Variants in RGS6 observed in about 807,000 individuals in gnomAD.
RGS6 encodes the protein regulator of G-protein signaling 6.
RGS6 carries 30 observed loss-of-function variants against 78.5 expected under a neutral mutation model. The ratio of observed to expected loss-of-function variants is 0.38; its 90% confidence interval spans 0.29 to 0.52. The LOEUF (loss-of-function observed/expected upper bound fraction) is 0.52, where lower values mean the gene tolerates loss of function less well. Among genes scored for constraint, RGS6 ranks in the 20% least tolerant of loss-of-function variants. The pLI is 0.85. For synonymous variants in RGS6, 206 were observed against 206.0 expected, an observed-to-expected ratio of 1.00 and a Z score of 0.00; for missense variants, 495 against 609.7, an observed-to-expected ratio of 0.81 and a Z score of 1.98.
intron 2 of RGS6, among the ~76,000 whole-genome samples, chr14:71,980,489 T>G (rs1012929796): frequency 8.2e-6 from 1 of 122,364 alleles, no homozygotes; most frequent in African/African-American, 3.0e-5. Flanking sequence ...TTTGCTTGTC[T>G]GTAAAGTATT....
At chr14:72,386,094 AG>A (rs2087888174) in intron 3 of RGS6, among the ~76,000 whole-genome samples, 1 of 152,130 alleles carries the variant, frequency 6.6e-6, no homozygotes, top group Non-Finnish European at 1.5e-5. Flanking sequence ...TGTGGATTGA[AG>A]GAAGAAACCC....
chr14:72,043,594 G>GTCTGCTGCAACTTTCATT (rs1420452319), intron 2 of RGS6, among the ~76,000 whole-genome samples: 1 of 152,108 alleles, frequency 6.6e-6, no homozygotes, highest in Admixed American at 6.6e-5. Context: ...CTAACAAAAT[G>GTCTGCTGCAACTTTCATT]TCTGCTGCAA....
At chr14:72,526,277 G>GT (rs3216325) in intron 15 of RGS6, among the ~76,000 whole-genome samples, 79,527 of 150,410 alleles carry the variant, frequency 0.53, 21,593 homozygotes, top group East Asian at 0.75. Context: ...CTAATTTTTT[G>GT]TTTTTTTTTA....
intron 2 of RGS6, among the ~76,000 whole-genome samples, chr14:72,167,391 C>CT (rs531844446): frequency 1.8e-4 from 28 of 152,236 alleles, no homozygotes; most frequent in Non-Finnish European, 3.7e-4. Flanking sequence ...ATCTCATTAT[C>CT]TTTGTCATAT....
intron 2 of RGS6, among the ~76,000 whole-genome samples, chr14:72,137,213 C>T (rs1481555136): frequency 6.6e-6 from 1 of 152,214 alleles, no homozygotes; most frequent in Non-Finnish European, 1.5e-5. Context: ...TCCACATTGA[C>T]ATTTGTGCTG....
intron 10 of RGS6, among the ~76,000 whole-genome samples, chr14:72,475,202 T>TG (rs1401217597): frequency 2.9e-5 from 4 of 136,774 alleles, no homozygotes; most frequent in Non-Finnish European, 4.7e-5. Flanking sequence ...TTTTATGGTT[T>TG]TTTTTTTTTT....
intron 1 of RGS6, among the ~76,000 whole-genome samples, chr14:71,949,686 C>G (rs1420130171): frequency 6.6e-6 from 1 of 151,532 alleles, no homozygotes; most frequent in Non-Finnish European, 1.5e-5. Flanking sequence ...TTATCAGTCT[C>G]TTTCTTTATG....
chr14:72,186,539 TTGAG>T (rs1335222938), intron 2 of RGS6, among the ~76,000 whole-genome samples: 2 of 152,134 alleles, frequency 1.3e-5, no homozygotes, highest in Non-Finnish European at 2.9e-5. Flanking sequence ...TTGGCCAACT[TTGAG>T]TGTGCTGAGG....
intron 3 of RGS6, among the ~76,000 whole-genome samples, chr14:72,418,879 A>G (rs1305752638): frequency 1.3e-5 from 2 of 152,256 alleles, no homozygotes; most frequent in African/African-American, 4.8e-5. Context: ...GAGAGGGTCC[A>G]GGAGGACACA....
chr14:72,582,576 T>A, the RGS6 span, among the ~76,000 whole-genome samples: 4 of 152,140 alleles, frequency 2.6e-5, no homozygotes, highest in Non-Finnish European at 5.9e-5. Context: ...GAGACATGTT[T>A]TCAAATGGAG....
At chr14:72,571,262 C>T (rs961893804), downstream of RGS6, among the ~76,000 whole-genome samples, 1 of 152,212 alleles carries the variant, frequency 6.6e-6, no homozygotes. Flanking sequence ...GGATTAAAGA[C>T]TAGGGTCCCT....
At chr14:72,339,088 A>G (rs1315850064) in intron 2 of RGS6, among the ~76,000 whole-genome samples, 4 of 152,240 alleles carry the variant, frequency 2.6e-5, no homozygotes, top group Non-Finnish European at 5.9e-5. Context: ...GCATAAAGAA[A>G]AGAATAAAAA....
chr14:72,547,078 AGG>A, intron 17 of RGS6: 1 of 1,158,470 alleles, frequency 8.6e-7, no homozygotes, highest in Non-Finnish European at 1.2e-6. Flanking sequence ...CAGAGAGTGA[AGG>A]GGAGTGCAGG....
At chr14:72,224,877 G>A (rs948238984) in intron 2 of RGS6, among the ~76,000 whole-genome samples, 2 of 152,152 alleles carry the variant, frequency 1.3e-5, no homozygotes, top group South Asian at 2.1e-4. Flanking sequence ...AGCAAGCAGG[G>A]AAAGGCCATG....
intron 3 of RGS6, among the ~76,000 whole-genome samples, chr14:72,416,550 A>T (rs1438250864): frequency 1.3e-5 from 2 of 152,374 alleles, no homozygotes; most frequent in East Asian, 3.9e-4. Context: ...CAAGAAAAAA[A>T]AAATTAAGCT....
intron 2 of RGS6, among the ~76,000 whole-genome samples, chr14:72,184,869 T>C (rs2153705327): frequency 6.6e-6 from 1 of 152,290 alleles, no homozygotes; most frequent in East Asian, 1.9e-4. Context: ...ACTAATAGGA[T>C]AGATAGATGT....
chr14:72,573,646 A>C, the RGS6 span, among the ~76,000 whole-genome samples: 1 of 152,130 alleles, frequency 6.6e-6, no homozygotes, highest in Admixed American at 6.5e-5. Context: ...TCTCCAACCA[A>C]AGATGCCCAC....
chr14:72,502,493 C>T (rs118191417), intron 13 of RGS6, among the ~76,000 whole-genome samples: 3,915 of 152,240 alleles, frequency 0.026, 75 homozygotes, highest in East Asian at 0.076. Flanking sequence ...GGGCCAGGCG[C>T]GGTGACTTAT....
intron 3 of RGS6, among the ~76,000 whole-genome samples, chr14:72,443,632 A>G (rs1271155074): frequency 2.0e-5 from 3 of 152,192 alleles, no homozygotes; most frequent in Non-Finnish European, 4.4e-5. Context: ...TACTTTTCAG[A>G]TTCAAATTTG....
Sources: gnomAD v4.1 joint callset for allele counts (sites outside exome capture counted in the v4.1 genomes callset) on GRCh38, gnomAD v4.1.1 for gene constraint, MANE v1.5 for transcripts, NCBI Gene and HGNC (gene_info 2026-07-23, HGNC 2026-07-21) for gene names.